Variants in PPP6C observed in about 807,000 individuals in gnomAD.
PPP6C encodes protein phosphatase 6 catalytic subunit, also known as serine/threonine-protein phosphatase 6 catalytic subunit.
PPP6C carries 11 observed loss-of-function variants against 39.8 expected under a neutral mutation model. The ratio of observed to expected loss-of-function variants is 0.28; its 90% CI spans 0.17 to 0.46. The LOEUF is 0.46. Among genes scored for constraint, PPP6C ranks in the 20% least tolerant of loss-of-function variants. PPP6C has a pLI of 1.00. For missense variants in PPP6C, 211 were observed against 373.9 expected, an observed-to-expected ratio of 0.56 and a Z score of 3.59; for synonymous variants, 129 against 130.3, an observed-to-expected ratio of 0.99 and a Z score of 0.07.
chr9:125,157,548 TAAAC>T (rs961243160), intron 4 of PPP6C, among the ~76,000 whole-genome samples: 2 of 152,052 alleles, frequency 1.3e-5, no homozygotes, highest in Non-Finnish European at 2.9e-5. Context: ...TAAACACACA[TAAAC>T]ACACACACAC....
intron 1 of PPP6C, among the ~76,000 whole-genome samples, chr9:125,186,655 T>G (rs1829535723): frequency 6.6e-6 from 1 of 151,378 alleles, no homozygotes; most frequent in African/African-American, 2.4e-5. Flanking sequence ...GAGGCTAAGG[T>G]GGGAGGACTG....
At chr9:125,152,568 C>T (rs1404117255) in intron 6 of PPP6C, among the ~76,000 whole-genome samples, 4 of 152,102 alleles carry the variant, frequency 2.6e-5, no homozygotes, top group Non-Finnish European at 5.9e-5. Context: ...CGGTGGCTCA[C>T]GCCTGTAATC....
At chr9:125,153,859 G>A (rs780774063) in intron 5 of PPP6C, 47 bp downstream of exon 5, 1 of 1,533,992 alleles carries the variant, frequency 6.5e-7, no homozygotes, top group Non-Finnish European at 9.0e-7. Context: ...AATATGCAAT[G>A]TGTTATTGGC....
chr9:125,148,787 TA>T lies in PPP6C; in HGVS notation c.*885del, dbSNP rs1835866467. On this transcript the variant is annotated 3_prime_UTR_variant, in exon 7 of 7. Coordinates refer to ENST00000373547, the MANE Select transcript of PPP6C (RefSeq NM_002721.5). ...CAAGTATTAAATGTTTTTCTATTACTATAGAGGATATAAACCAAAACATTAA... is the reference window on the plus strand; with the variant it reads ...CAAGTATTAAATGTTTTTCTATTACTTAGAGGATATAAACCAAAACATTAA... 1 of 152,228 alleles carries T rather than the reference TA, an allele frequency of 6.6e-6. No homozygotes were observed. The highest frequency in any genetic ancestry group is 2.4e-5 in the African/African-American group (1 of 41,474). 9.4% of individuals were successfully genotyped at this position (152,228 alleles called of 1,614,324 possible). A position where few individuals can be genotyped will look rare whatever the true frequency, so the allele number is the denominator to read the frequency against.
rs1422342697 is a variant in PPP6C at position 125,149,136 on chromosome 9, G to A, written c.*537C>T. 6.6e-6 allele frequency: 1 copy of A among 152,218 alleles called. No individual in the cohort carries two copies. The highest frequency in any genetic ancestry group is 1.9e-4 in the East Asian group (1 of 5,202). The allele number at this position is 152,218 out of a possible 1,614,324, so 9.4% of individuals were successfully genotyped here. A position where few individuals can be genotyped will look rare whatever the true frequency, so the allele number is the denominator to read the frequency against. On this transcript the variant is annotated 3_prime_UTR_variant, in exon 7 of 7. Coordinates refer to ENST00000373547, the MANE Select transcript of PPP6C (RefSeq NM_002721.5). The stretch of plus-strand genomic sequence containing the variant: ...ACACAACAAGGAGGGCAGCCCTTTA[G>A]ACCAATTTATTTTATATCCATTTAA...
At chr9:125,173,309 G>C (rs1829215516) in intron 1 of PPP6C, among the ~76,000 whole-genome samples, 1 of 151,054 alleles carries the variant, frequency 6.6e-6, no homozygotes, top group Non-Finnish European at 1.5e-5. Context: ...CTGAGGCTGA[G>C]GCAGGAGAAT....
chr9:125,158,451 C>T (rs1836133518), intron 3 of PPP6C, 69 bp from the exon 4 acceptor site: 1 of 1,463,168 alleles, frequency 6.8e-7, no homozygotes, highest in Non-Finnish European at 9.4e-7. Context: ...TTATATCAAA[C>T]TGTACAAACA....
At position 125,148,370 on chromosome 9, in the gene PPP6C, A is replaced by T. The variant is rs940470108; in HGVS notation, c.*1303T>A. 1.3e-5 allele frequency: 2 copies of T among 152,230 alleles called. No individual in the cohort carries two copies. The highest frequency in any genetic ancestry group is 4.1e-4 in the South Asian group (2 of 4,832). 9.4% of individuals were successfully genotyped at this position (152,230 alleles called of 1,614,324 possible). A position where few individuals can be genotyped will look rare whatever the true frequency, so the allele number is the denominator to read the frequency against. ...TCCAACATCATTTATGACTACAGTC[A>T]TAAGAGATACTGGAATACTTGTCCT... On this transcript the variant is annotated 3_prime_UTR_variant, in exon 7 of 7. Coordinates refer to ENST00000373547, the MANE Select transcript of PPP6C (RefSeq NM_002721.5).
intron 1 of PPP6C, among the ~76,000 whole-genome samples, chr9:125,181,383 G>A (rs1388856914): frequency 2.6e-5 from 4 of 151,718 alleles, no homozygotes; most frequent in Non-Finnish European, 4.4e-5. Context: ...TGTGCAGAAC[G>A]TGCAGGTTTG....
At chr9:125,170,387 C>A (rs1186995451) in intron 2 of PPP6C, among the ~76,000 whole-genome samples, 1 of 152,002 alleles carries the variant, frequency 6.6e-6, no homozygotes, top group Non-Finnish European at 1.5e-5. Context: ...CAGGCACGCA[C>A]CACCATGCCC....
intron 3 of PPP6C, among the ~76,000 whole-genome samples, chr9:125,160,014 G>A (rs550320251): frequency 3.3e-5 from 5 of 150,478 alleles, no homozygotes; most frequent in African/African-American, 9.7e-5. Context: ...GAGAGACTCC[G>A]TCTCAAAAAA....
At chr9:125,182,437 C>T (rs1341609007) in intron 1 of PPP6C, among the ~76,000 whole-genome samples, 3 of 152,122 alleles carry the variant, frequency 2.0e-5, no homozygotes, top group African/African-American at 7.2e-5. Context: ...AGGCCCAGAG[C>T]TCAAGACTAG....
chr9:125,169,789 ACAAT>A (rs1829102786), intron 2 of PPP6C, among the ~76,000 whole-genome samples: 1 of 152,236 alleles, frequency 6.6e-6, no homozygotes, highest in Non-Finnish European at 1.5e-5. Context: ...TGTAATTTTA[ACAAT>A]CAAAGATGAC....
intron 3 of PPP6C, 134 bp from the exon 4 acceptor site, chr9:125,158,516 T>C (rs993687572): frequency 5.3e-6 from 5 of 936,104 alleles, no homozygotes; most frequent in Non-Finnish European, 7.2e-6. Context: ...GAAATTTGAT[T>C]TTAACAAAAA....
intron 1 of PPP6C, among the ~76,000 whole-genome samples, chr9:125,177,303 G>A (rs767140977): frequency 6.6e-6 from 1 of 152,158 alleles, no homozygotes; most frequent in Non-Finnish European, 1.5e-5. Context: ...GAACCCGGGA[G>A]GCCGAACTTG....
chr9:125,172,726 CACACACACACACACACACACACACAA>C (rs1233090706), intron 1 of PPP6C, among the ~76,000 whole-genome samples: 5 of 126,684 alleles, frequency 3.9e-5, no homozygotes, highest in African/African-American at 2.0e-4. Flanking sequence ...CACAAACACA[CACACACACACACACACACACACACAA>C]ACACACACAC....
At chr9:125,160,992 C>G in intron 2 of PPP6C, 86 bp from the exon 3 acceptor site, 1 of 876,050 alleles carries the variant, frequency 1.1e-6, no homozygotes. Context: ...TGTAAAGAAG[C>G]AGCTAAGAGG....
chr9:125,156,747 C>T (rs1439279101), intron 4 of PPP6C, among the ~76,000 whole-genome samples: 1 of 116,666 alleles, frequency 8.6e-6, no homozygotes, highest in East Asian at 2.4e-4. Flanking sequence ...TAAGCTCGCT[C>T]TCTCTCTCTC....
At chr9:125,176,644 G>A (rs538465477) in intron 1 of PPP6C, among the ~76,000 whole-genome samples, 14 of 152,086 alleles carry the variant, frequency 9.2e-5, no homozygotes, top group South Asian at 2.1e-4. Flanking sequence ...GTCACAGAGC[G>A]AGACCCTTTC....
Sources: allele counts gnomAD v4.1 joint callset (sites outside exome capture counted in the v4.1 genomes callset), GRCh38; gene constraint gnomAD v4.1.1; transcripts MANE v1.5; gene names NCBI Gene and HGNC (gene_info 2026-07-23, HGNC 2026-07-21).